Variants in PCDHGB1 observed in about 807,000 individuals in gnomAD.
PCDHGB1 encodes protocadherin gamma-B1.
In PCDHGB1, 34 loss-of-function variants were observed where a neutral mutation model predicts 56.6. The ratio of observed to expected loss-of-function variants is 0.60; its 90% CI spans 0.46 to 0.80. The LOEUF (loss-of-function observed/expected upper bound fraction) is 0.80, where lower values mean the gene tolerates loss of function less well. Among genes scored for constraint, PCDHGB1 ranks in the 30% least tolerant of loss-of-function variants. The probability of loss-of-function intolerance (pLI) is 0.00; values close to 1 mark genes in which losing one functional copy is unlikely to be tolerated. For missense variants in PCDHGB1, 1,278 were observed against 1,204.6 expected (o/e 1.06, Z -0.90); for synonymous variants, 561 against 505.9 (o/e 1.11, Z -1.46).
In PCDHGB1 at chr5:141,414,837, G is replaced by C. The variant is rs776651290; in HGVS notation, c.2409+62168G>C. On this transcript the variant is annotated intron_variant, in intron 1 of 3. Coordinates refer to ENST00000523390, the MANE Select transcript of PCDHGB1 (RefSeq NM_018922.3). ...TCAGCAGCAACGTGTCGTTGAGCCT[G>C]TTTGTGCTGGACCAGAACGACAATG... The C allele has an allele frequency of 2.4e-5, 38 of 1,614,232 alleles. No homozygotes were observed. In the Admixed American group the frequency reaches 5.8e-4, roughly 25 times the overall value.
intron 1 of PCDHGB1, chr5:141,365,395 G>C (rs753717509): frequency 3.7e-6 from 6 of 1,613,978 alleles, no homozygotes; most frequent in Non-Finnish European, 5.1e-6. Flanking sequence ...TGACCAGTTC[G>C]ATCTCTGAAG....
chr5:141,431,162 G>C lies in PCDHGB1; in HGVS notation c.2410-63645G>C, dbSNP rs757521794. The C allele has an allele frequency of 3.1e-6, 5 of 1,614,246 alleles. No homozygotes were observed. The South Asian group carries it at 5.5e-5, about 18-fold the overall frequency. On this transcript the variant is annotated intron_variant, in intron 1 of 3. Coordinates refer to ENST00000523390, the MANE Select transcript of PCDHGB1 (RefSeq NM_018922.3). The surrounding 1 kb of genome is among the most constrained non-coding windows in gnomAD (Gnocchi z 4.8). Reference sequence around the variant, plus strand: ...TAACGACAATGCGCCTTACTTTCGTGAAAGTGAATTAGAAATAAAAATTAG... The same window carrying C: ...TAACGACAATGCGCCTTACTTTCGTCAAAGTGAATTAGAAATAAAAATTAG...
At chr5:141,430,817 C>T (rs200369093) in intron 1 of PCDHGB1, 2 of 1,539,796 alleles carry the variant, frequency 1.3e-6, no homozygotes, top group Non-Finnish European at 1.7e-6. Flanking sequence ...GGGAATCCTC[C>T]TGGGGACTCT....
Position 141,351,078 on chromosome 5 carries a change from A to G in PCDHGB1, c.818A>G (p.Glu273Gly), listed in dbSNP as rs1758637541. The change falls in exon 1 of 4, where the codon GAG becomes GGG. Residue 273 changes from glutamate (E) to glycine (G), a missense_variant. Coordinates refer to ENST00000523390, the MANE Select transcript of PCDHGB1 (RefSeq NM_018922.3). The stretch of plus-strand genomic sequence containing the variant: ...GACCAGGATGAGGGCATTAATGCAG[A>G]GATCACCTATGCCTTCCTCAATTCC... ...ATDQDEGINA[E>G]ITYAFLNSPI... The G allele has an allele frequency of 6.2e-7, 1 of 1,614,060 alleles. No individual in the cohort carries two copies. The highest frequency in any genetic ancestry group is 1.3e-5 in the African/African-American group (1 of 75,076).
At chr5:141,359,927 C>T in intron 1 of PCDHGB1, 2 of 456,184 alleles carry the variant, frequency 4.4e-6, no homozygotes, top group Non-Finnish European at 7.5e-6. Context: ...CTGAGAAAAC[C>T]TCTGAGCGTC....
rs2099883782 is a variant in PCDHGB1 at position 141,511,420 on chromosome 5, G to C, written c.*247G>C. The C allele has an allele frequency of 1.2e-6, 1 of 830,744 alleles. No homozygotes were observed. The allele number at this position is 830,744 out of a possible 1,614,324, so 51.5% of individuals were successfully genotyped here. On this transcript the variant is annotated 3_prime_UTR_variant, in exon 4 of 4. Transcript: ENST00000523390. ...TCCAATCAACTGCTGTACCCATGGG[G>C]GTAGTGGGGTTACTGTAGACACCAA...
intron 1 of PCDHGB1, chr5:141,413,618 A>C (rs1188549125): frequency 6.2e-7 from 1 of 1,613,916 alleles, no homozygotes; most frequent in Admixed American, 1.7e-5. Context: ...AAAATTAATG[A>C]AAATGTCGCT....
chr5:141,435,910 G>T (rs1296707748), intron 1 of PCDHGB1, among the ~76,000 whole-genome samples: 2 of 152,112 alleles, frequency 1.3e-5, no homozygotes, highest in Non-Finnish European at 2.9e-5. Flanking sequence ...ACATCCAAGG[G>T]CTCTAAAATG....
intron 1 of PCDHGB1, chr5:141,408,120 C>T (rs1375123891): frequency 3.4e-6 from 5 of 1,475,704 alleles, no homozygotes. Flanking sequence ...TCCTCCTGTC[C>T]TGGGCCGAAT....
At position 141,489,099 on chromosome 5, in the gene PCDHGB1, G is replaced by C; in HGVS notation, c.2410-5708G>C. 5.5e-6 allele frequency: 2 copies of C among 361,982 alleles called. No homozygotes were observed. The highest frequency in any genetic ancestry group is 5.0e-5 in the South Asian group (1 of 19,862). 22.4% of individuals were successfully genotyped at this position (361,982 alleles called of 1,614,324 possible). On this transcript the variant is annotated intron_variant, in intron 1 of 3. Coordinates refer to ENST00000523390, the MANE Select transcript of PCDHGB1 (RefSeq NM_018922.3). The surrounding 1 kb of genome is among the most constrained non-coding windows in gnomAD (Gnocchi z 4.5). Reference sequence around the variant, plus strand: ...CCCCGCCACTCGGTGACTAAGAACTGCTGCAAGCAGGCAAACCTCCGAGCA... The same window carrying C: ...CCCCGCCACTCGGTGACTAAGAACTCCTGCAAGCAGGCAAACCTCCGAGCA...
intron 1 of PCDHGB1, chr5:141,393,518 A>C: frequency 6.2e-7 from 1 of 1,614,030 alleles, no homozygotes; most frequent in Non-Finnish European, 8.5e-7. Context: ...TGTTGGATAC[A>C]AATGACAATG....
chr5:141,427,428 T>C (rs1489623330), intron 1 of PCDHGB1: 3 of 470,472 alleles, frequency 6.4e-6, no homozygotes, highest in Admixed American at 4.7e-5. Context: ...GGAGGTTACA[T>C]GCCTCATAAA....
rs761483380 is a variant in PCDHGB1, at chr5:141,360,655, GACA to G, written c.2409+7989_2409+7991del. ...CTCACTACAAAGATACCACCTTAAT[GACA>G]ACGAGTACTTTGATCTCGCTGAGAA... On this transcript the variant is annotated intron_variant, in intron 1 of 3. Transcript: ENST00000523390. 1.3e-4 allele frequency: 212 copies of G among 1,613,970 alleles called. No homozygotes were observed. The Middle Eastern group carries it at 2.3e-3, about 18-fold the overall frequency.
At chr5:141,365,641 C>T (rs367688670) in intron 1 of PCDHGB1, 1 of 1,613,596 alleles carries the variant, frequency 6.2e-7, no homozygotes, top group African/African-American at 1.3e-5. Context: ...CAGAAAGCCA[C>T]ATCCCCTTGA....
At chr5:141,434,117 G>T (rs2097672674) in intron 1 of PCDHGB1, among the ~76,000 whole-genome samples, 1 of 152,126 alleles carries the variant, frequency 6.6e-6, no homozygotes, top group African/African-American at 2.4e-5. Context: ...TGGCCTTTGG[G>T]ACTCCCTTTA....
chr5:141,457,058 T>A (rs756862311), intron 1 of PCDHGB1, among the ~76,000 whole-genome samples: 2 of 152,230 alleles, frequency 1.3e-5, no homozygotes, highest in Non-Finnish European at 2.9e-5. Flanking sequence ...TCATGCTTCC[T>A]TTTTGCCAGT....
intron 1 of PCDHGB1, chr5:141,362,210 T>C (rs1343767561): frequency 1.2e-6 from 2 of 1,613,942 alleles, no homozygotes; most frequent in Non-Finnish European, 1.7e-6. Context: ...CAGTTTTACC[T>C]GGTTGTGGCC....
chr5:141,409,178 G>A, intron 1 of PCDHGB1: 1 of 1,613,994 alleles, frequency 6.2e-7, no homozygotes, highest in Non-Finnish European at 8.5e-7. Context: ...GGACGGAGGT[G>A]GTCTCTCTAC....
At chr5:141,372,097 G>T in intron 1 of PCDHGB1, 1 of 1,613,808 alleles carries the variant, frequency 6.2e-7, no homozygotes, top group South Asian at 1.1e-5. Context: ...CCAGCTCTGG[G>T]GCCCGAAGGC....
Sources: gnomAD v4.1 joint callset for allele counts (sites outside exome capture counted in the v4.1 genomes callset) on GRCh38, gnomAD v4.1.1 for gene constraint, Gnocchi (gnomAD v3.1) non-coding constraint, MANE v1.5 for transcripts, NCBI Gene and HGNC (gene_info 2026-07-23, HGNC 2026-07-21) for gene names.